The following STAG1 variants were observed in gnomAD, a reference collection of about 807,000 sequenced individuals.
The protein encoded by STAG1 is STAG1 cohesin complex component, also known as cohesin subunit SA-1.
STAG1 carries 26 observed loss-of-function variants against 170.9 expected under a neutral mutation model. The ratio of observed to expected loss-of-function variants is 0.15; its 90% confidence interval spans 0.11 to 0.21. The LOEUF (loss-of-function observed/expected upper bound fraction) is 0.21. Among genes scored for constraint, STAG1 ranks in the 10% least tolerant of loss-of-function variants. STAG1 has a pLI of 1.00. For synonymous variants in STAG1, 514 were observed against 497.7 expected (o/e 1.03, Z -0.44); for missense variants, 964 against 1,509.5 (o/e 0.64, Z 5.99).
intron 1 of STAG1, among the ~76,000 whole-genome samples, chr3:136,673,781 T>C (rs1942044965): frequency 6.6e-6 from 1 of 151,998 alleles, no homozygotes; most frequent in Admixed American, 6.6e-5. Context: ...GAACATCAAA[T>C]ACAATAACTA....
intron 14 of STAG1, among the ~76,000 whole-genome samples, chr3:136,444,083 T>C (rs1488056761): frequency 6.6e-6 from 1 of 152,152 alleles, no homozygotes; most frequent in Non-Finnish European, 1.5e-5. Context: ...TTATCCTTTT[T>C]TTTTTTTTGA....
intron 3 of STAG1, among the ~76,000 whole-genome samples, chr3:136,611,010 G>C (rs1014228657): frequency 6.6e-6 from 1 of 152,086 alleles, no homozygotes; most frequent in Admixed American, 6.5e-5. Context: ...CAAGAAGTGT[G>C]TCAGACTTCC....
intron 1 of STAG1, among the ~76,000 whole-genome samples, chr3:136,711,979 C>T (rs749227899): frequency 1.3e-5 from 2 of 152,072 alleles, no homozygotes; most frequent in South Asian, 2.1e-4. Context: ...CACTGTTTAA[C>T]GGAAAAAAAC....
intron 1 of STAG1, among the ~76,000 whole-genome samples, chr3:136,714,966 T>A (rs1451578760): frequency 1.7e-4 from 17 of 102,460 alleles, no homozygotes; most frequent in East Asian, 4.7e-4. Flanking sequence ...TATATATATT[T>A]TATATATATA....
At chr3:136,668,855 C>A (rs773021262) in intron 1 of STAG1, among the ~76,000 whole-genome samples, 1 of 152,200 alleles carries the variant, frequency 6.6e-6, no homozygotes, top group Middle Eastern at 3.4e-3. Flanking sequence ...CAAGGGAGAT[C>A]GAAGCAAAAC....
intron 4 of STAG1, among the ~76,000 whole-genome samples, chr3:136,585,894 T>C (rs1454397692): frequency 1.3e-5 from 2 of 152,224 alleles, no homozygotes; most frequent in Non-Finnish European, 2.9e-5. Context: ...GGATTCTGCT[T>C]CATACATGAT....
chr3:136,340,417 C>T (rs1248079279), intron 32 of STAG1, 74 bp downstream of exon 32: 11 of 982,038 alleles, frequency 1.1e-5, no homozygotes, highest in African/African-American at 1.6e-5. Context: ...CCACCATGCC[C>T]GGCCTAAGAG....
In STAG1 at chr3:136,502,722, T is replaced by G; in HGVS notation, c.734A>C (p.Asp245Ala). ...NVALNLSIHQ[D>A]NTQRQYEAER... is the part of the protein sequence containing the mutation. ...GGCTTCATATTGTCTCTGGGTATTA[T>G]CCTGATGAATACTGAGGTTTAAGGC... Residue 245 changes from aspartate to alanine, a missense_variant, in exon 8 of 34, where the codon GAT becomes GCT. Asp to Ala is a moderately radical substitution (Grantham distance 126). Transcript: ENST00000383202. 1.2e-6 allele frequency: 2 copies of G among 1,613,788 alleles called. No homozygotes were observed. Among genetic ancestry groups the G allele is most frequent in the Non-Finnish European group, 1.7e-6 (2 of 1,179,874 alleles).
At chr3:136,501,712 G>T (rs191098158) in intron 8 of STAG1, among the ~76,000 whole-genome samples, 1 of 152,086 alleles carries the variant, frequency 6.6e-6, no homozygotes, top group Non-Finnish European at 1.5e-5. Flanking sequence ...AATACAGTAT[G>T]GCTAATAATC....
At chr3:136,505,406 T>A (rs1409947635) in intron 7 of STAG1, among the ~76,000 whole-genome samples, 1 of 152,228 alleles carries the variant, frequency 6.6e-6, no homozygotes, top group African/African-American at 2.4e-5. Context: ...AAGGTCATTA[T>A]GAGCAAAAAA....
intron 21 of STAG1, among the ~76,000 whole-genome samples, chr3:136,403,322 G>A (rs903493380): frequency 7.3e-5 from 11 of 150,096 alleles, no homozygotes; most frequent in African/African-American, 1.7e-4. Flanking sequence ...TAAGTGGTGC[G>A]CTGCCTTTGG....
At chr3:136,643,390 T>C (rs953529034) in intron 1 of STAG1, among the ~76,000 whole-genome samples, 16 of 152,216 alleles carry the variant, frequency 1.1e-4, no homozygotes, top group African/African-American at 3.9e-4. Flanking sequence ...AGAAGTTCTA[T>C]GAGGTGATAA....
At chr3:136,453,487 A>G (rs1576480371) in intron 13 of STAG1, among the ~76,000 whole-genome samples, 1 of 151,396 alleles carries the variant, frequency 6.6e-6, no homozygotes, top group African/African-American at 2.4e-5. Context: ...CCTACTCGGG[A>G]GGCTGAGGCA....
chr3:136,486,066 T>C (rs1008735107), intron 9 of STAG1, among the ~76,000 whole-genome samples: 5 of 152,170 alleles, frequency 3.3e-5, no homozygotes. Context: ...CATTATAAAA[T>C]TGATTCAGTG....
At chr3:136,360,456 A>G (rs1433295843) in intron 26 of STAG1, among the ~76,000 whole-genome samples, 1 of 152,146 alleles carries the variant, frequency 6.6e-6, no homozygotes. Flanking sequence ...AAGGTCCTGA[A>G]AAGTATTGTT....
intron 12 of STAG1, among the ~76,000 whole-genome samples, chr3:136,466,712 A>T (rs567430609): frequency 6.6e-6 from 1 of 152,188 alleles, no homozygotes; most frequent in Non-Finnish European, 1.5e-5. Flanking sequence ...CAGATTCACC[A>T]AAGTTGAAAT....
Position 136,417,967 on chromosome 3 carries a change from T to C in STAG1, c.2114A>G (p.His705Arg). 1 of 1,611,730 alleles carries C rather than the reference T, an allele frequency of 6.2e-7. No homozygotes were observed. The highest frequency in any genetic ancestry group is 8.5e-7 in the Non-Finnish European group (1 of 1,178,486). ...AAAGAGATCCCATTTTGTGAGATCA[T>C]GTGCACTGAAATAAACAAAAATGCA... Reference protein sequence around the residue: ...LKRLTSFHNAHDLTKWDLFGN... With the variant: ...LKRLTSFHNARDLTKWDLFGN... The change falls in exon 21 of 34, where the codon CAT becomes CGT. Residue 705 changes from histidine to arginine, a missense_variant. Coordinates refer to ENST00000383202, the MANE Select transcript of STAG1 (RefSeq NM_005862.3).
At chr3:136,659,336 G>C (rs939222665) in intron 1 of STAG1, among the ~76,000 whole-genome samples, 3 of 152,130 alleles carry the variant, frequency 2.0e-5, no homozygotes, top group African/African-American at 7.2e-5. Context: ...TTTGTGAGCT[G>C]TTCTGTTAAC....
At chr3:136,489,584 A>C (rs979237356) in intron 9 of STAG1, among the ~76,000 whole-genome samples, 1 of 152,202 alleles carries the variant, frequency 6.6e-6, no homozygotes, top group East Asian at 1.9e-4. Flanking sequence ...ACACTCTCTA[A>C]ATTGCAGCAC....
Sources: allele counts gnomAD v4.1 joint callset (sites outside exome capture counted in the v4.1 genomes callset), GRCh38; gene constraint gnomAD v4.1.1; transcripts MANE v1.5; gene names NCBI Gene and HGNC (gene_info 2026-07-23, HGNC 2026-07-21).